The following SLC27A4 variants were observed in gnomAD, a reference collection of about 807,000 sequenced individuals.
The protein encoded by SLC27A4 is long-chain fatty acid transport protein 4.
In SLC27A4, 33 loss-of-function variants were observed where a neutral mutation model predicts 64.4. The observed-to-expected ratio is 0.51, with a 90% confidence interval of 0.39 to 0.68. The LOEUF (loss-of-function observed/expected upper bound fraction) is 0.68, where lower values mean the gene tolerates loss of function less well. Among genes scored for constraint, SLC27A4 ranks in the 30% least tolerant of loss-of-function variants. The pLI, the probability that SLC27A4 is intolerant of heterozygous loss-of-function variation, is 0.00. For synonymous variants in SLC27A4, 377 were observed against 370.0 expected, an observed-to-expected ratio of 1.02 and a Z score of -0.22; for missense variants, 824 against 883.5, an observed-to-expected ratio of 0.93 and a Z score of 0.85.
At position 128,348,657 on chromosome 9, in the gene SLC27A4, A is replaced by G. The variant is rs748741914; in HGVS notation, c.669A>G (p.Lys223=). The change falls in exon 4 of 13, where the codon AAA becomes AAG. Residue 223 remains lysine, a synonymous_variant. Transcript: ENST00000300456. ...CAGAACACCTGGACCCTCTGCTGAA[A>G]GATGCTCCCAAGCACCTTCCCAGTT... ...PSTEHLDPLL[K]DAPKHLPSCP... 5.6e-6 allele frequency: 9 copies of G among 1,613,970 alleles called. No homozygotes were observed. Among genetic ancestry groups the G allele is most frequent in the Non-Finnish European group, 7.6e-6 (9 of 1,180,048 alleles).
At chr9:128,341,017 C>T (rs1293449519) in intron 1 of SLC27A4, among the ~76,000 whole-genome samples, 179 bp downstream of exon 1, 1 of 152,254 alleles carries the variant, frequency 6.6e-6, no homozygotes, top group Non-Finnish European at 1.5e-5. Flanking sequence ...GGACAGGGGC[C>T]CGAGGGAACT....
intron 12 of SLC27A4, 34 bp from the exon 13 acceptor site, chr9:128,360,300 G>T: frequency 6.2e-7 from 1 of 1,613,448 alleles, no homozygotes; most frequent in Non-Finnish European, 8.5e-7. Context: ...TCGGGCCCCT[G>T]CCCTGCACTG....
intron 1 of SLC27A4, chr9:128,342,377 A>G (rs1588553378): frequency 5.6e-6 from 9 of 1,610,260 alleles, no homozygotes; most frequent in Non-Finnish European, 6.8e-6. Flanking sequence ...TGAGGCGTGC[A>G]CCGCCAATAT....
chr9:128,345,398 C>A lies in SLC27A4; in HGVS notation c.405C>A (p.Asn135Lys), dbSNP rs1832640348. The change falls in exon 3 of 13, where the codon AAC (asparagine) becomes AAA (lysine). Residue 135 changes from asparagine to lysine, a missense_variant. Transcript: ENST00000300456. This position sits in a 1 kb window ranked among gnomAD's most constrained non-coding sequence, Gnocchi z 4.1. ...SGDVAAIFMENRNEFVGLWLG... is the reference protein window; with the variant it reads ...SGDVAAIFMEKRNEFVGLWLG... ...ATGTGGCTGCCATCTTCATGGAGAA[C>A]CGCAATGAGTTCGTGGGCCTATGGC... The A allele has an allele frequency of 1.2e-6, 2 of 1,613,794 alleles. No individual in the cohort carries two copies. Among genetic ancestry groups the A allele is most frequent in the Non-Finnish European group, 1.7e-6 (2 of 1,180,040 alleles).
intron 6 of SLC27A4, among the ~76,000 whole-genome samples, chr9:128,351,685 T>C (rs9695345): frequency 0.34 from 50,933 of 152,016 alleles, 12,287 homozygotes; most frequent in African/African-American, 0.69. Flanking sequence ...CCATTGCACA[T>C]CAGCCTGGGT....
Position 128,355,114 on chromosome 9 carries a change from C to T in SLC27A4, c.1386C>T (p.Gly462=). The change falls in exon 10 of 13, where the codon GGC becomes GGT. Residue 462 remains glycine, a synonymous_variant. Transcript: ENST00000300456. The stretch of plus-strand genomic sequence containing the variant: ...AAGACCCCCTGCGCCGCTTCGATGG[C>T]TACCTCAACCAGGGCGCCAACAACA... ...IQKDPLRRFD[G]YLNQGANNKK... 1 of 1,613,640 alleles carries T rather than the reference C, an allele frequency of 6.2e-7. No individual in the cohort carries two copies. The highest frequency in any genetic ancestry group is 8.5e-7 in the Non-Finnish European group (1 of 1,179,804).
rs1293185729 is a variant in SLC27A4, at chr9:128,355,799, G to A, written c.1774+3G>A. On this transcript the variant is annotated splice_donor_region_variant and intron_variant, in intron 12 of 12. Coordinates refer to ENST00000300456, the MANE Select transcript of SLC27A4 (RefSeq NM_005094.4). ...CCTGCCTGAGCTGCACAAAACAGGT[G>A]TGTCCCTCCCCTGCTCCAGCTCTCG... 1 of 1,613,002 alleles carries A rather than the reference G, an allele frequency of 6.2e-7. No individual in the cohort carries two copies. Among genetic ancestry groups the A allele is most frequent in the Non-Finnish European group, 8.5e-7 (1 of 1,180,036 alleles).
Position 128,342,162 on chromosome 9 carries a change from G to A in SLC27A4, c.-6-965G>A, listed in dbSNP as rs1354628546. ...CTTAGAACACGTCTCAGGACAACTC[G>A]GTGGTGGCCACTGCGCAGACCAGAC... On this transcript the variant is annotated intron_variant, in intron 1 of 12. Transcript: ENST00000300456. 24 of 1,156,250 alleles carry A rather than the reference G, an allele frequency of 2.1e-5. No individual in the cohort carries two copies. In the East Asian group the frequency reaches 2.6e-4, roughly 12 times the overall value. The allele number at this position is 1,156,250 out of a possible 1,614,324, so 71.6% of individuals were successfully genotyped here.
At chr9:128,359,874 A>G (rs1259748427) in intron 12 of SLC27A4, among the ~76,000 whole-genome samples, 1 of 152,218 alleles carries the variant, frequency 6.6e-6, no homozygotes, top group Non-Finnish European at 1.5e-5. Context: ...TAATTATACT[A>G]GTTCAGAGAT....
intron 9 of SLC27A4, among the ~76,000 whole-genome samples, chr9:128,354,571 G>C (rs1168011576): frequency 6.6e-6 from 1 of 152,042 alleles, no homozygotes; most frequent in Non-Finnish European, 1.5e-5. Flanking sequence ...GGCTCAGTGT[G>C]TCCGACCTGC....
intron 6 of SLC27A4, among the ~76,000 whole-genome samples, chr9:128,351,400 C>T (rs1832734445): frequency 6.6e-6 from 1 of 152,072 alleles, no homozygotes; most frequent in Non-Finnish European, 1.5e-5. Flanking sequence ...GCACTCCAGC[C>T]TGGGCAACAG....
chr9:128,346,920 G>A (rs534943656), intron 3 of SLC27A4, among the ~76,000 whole-genome samples: 3 of 152,048 alleles, frequency 2.0e-5, no homozygotes, highest in East Asian at 1.9e-4. Context: ...TAGGAGAATC[G>A]CTTGAACCCA....
intron 3 of SLC27A4, among the ~76,000 whole-genome samples, chr9:128,346,530 G>A (rs545909103): frequency 4.0e-5 from 6 of 151,478 alleles, no homozygotes; most frequent in African/African-American, 1.2e-4. Flanking sequence ...CACCACGCCC[G>A]GCCTAAAAAA....
Position 128,340,830 on chromosome 9 carries a change from C to G in SLC27A4, c.-15C>G, listed in dbSNP as rs1182102867. On this transcript the variant is annotated 5_prime_UTR_variant, in exon 1 of 13. Coordinates refer to ENST00000300456, the MANE Select transcript of SLC27A4 (RefSeq NM_005094.4). Reference sequence around the variant, plus strand: ...TGGACGGGGCGCCGCGCGGCGGAGCCGACGCCGGGTGAGCATAGACCGGGC... The same window carrying G: ...TGGACGGGGCGCCGCGCGGCGGAGCGGACGCCGGGTGAGCATAGACCGGGC... The G allele has an allele frequency of 1.5e-6, 1 of 685,344 alleles. No homozygotes were observed. Among genetic ancestry groups the G allele is most frequent in the South Asian group, 1.5e-5 (1 of 65,134 alleles). 42.5% of individuals were successfully genotyped at this position (685,344 alleles called of 1,614,324 possible).
chr9:128,357,629 A>G (rs1832839736), intron 12 of SLC27A4, among the ~76,000 whole-genome samples: 1 of 152,194 alleles, frequency 6.6e-6, no homozygotes, highest in African/African-American at 2.4e-5. Context: ...AGGCAGCACC[A>G]TCTTTCTATC....
chr9:128,357,196 A>T (rs1171095601), intron 12 of SLC27A4, among the ~76,000 whole-genome samples: 1 of 142,360 alleles, frequency 7.0e-6, no homozygotes, highest in African/African-American at 2.6e-5. Flanking sequence ...TGGGAGGTGG[A>T]GGTTGCAGTA....
intron 3 of SLC27A4, among the ~76,000 whole-genome samples, chr9:128,346,919 C>T (rs1474579479): frequency 1.3e-5 from 2 of 151,868 alleles, no homozygotes; most frequent in Non-Finnish European, 2.9e-5. Context: ...GTAGGAGAAT[C>T]GCTTGAACCC....
In SLC27A4 at chr9:128,343,287, A is replaced by C; in HGVS notation, c.155A>C (p.Asp52Ala). ...IRVFIKTIRR[D>A]IFGGLVLLKV... ...GTCTTCATCAAGACCATCAGGCGCG[A>C]TATCTTGTGAGTACCTGGCCCAGCC... Residue 52 changes from aspartate to alanine, a missense_variant, in exon 2 of 13, where the codon GAT becomes GCT. Asp to Ala is a moderately radical substitution (Grantham distance 126). Transcript: ENST00000300456. 1 of 1,614,026 alleles carries C rather than the reference A, an allele frequency of 6.2e-7. No homozygotes were observed. The highest frequency in any genetic ancestry group is 8.5e-7 in the Non-Finnish European group (1 of 1,180,008).
At chr9:128,343,013 A>G in intron 1 of SLC27A4, 114 bp from the exon 2 acceptor site, 2 of 1,369,368 alleles carry the variant, frequency 1.5e-6, no homozygotes, top group South Asian at 1.2e-5. Context: ...CAGTATGGCT[A>G]AGCCTTACCA....
Sources: gnomAD v4.1 joint callset for allele counts (sites outside exome capture counted in the v4.1 genomes callset) on GRCh38, gnomAD v4.1.1 for gene constraint, Gnocchi (gnomAD v3.1) non-coding constraint, MANE v1.5 for transcripts, NCBI Gene and HGNC (gene_info 2026-07-23, HGNC 2026-07-21) for gene names.